Variants in PCDHGB5 observed in about 807,000 individuals in gnomAD.
The protein encoded by PCDHGB5 is protocadherin gamma subfamily B, 5.
In PCDHGB5, 48 loss-of-function variants were observed where a neutral mutation model predicts 62.9. That is an observed-to-expected ratio of 0.76 (90% CI 0.61 to 0.97). The LOEUF is 0.97. Among genes scored for constraint, PCDHGB5 ranks in the 50% least tolerant of loss-of-function variants. PCDHGB5 has a pLI of 0.00. For missense variants in PCDHGB5, 1,118 were observed against 1,198.6 expected, an observed-to-expected ratio of 0.93 and a Z score of 0.99; for synonymous variants, 474 against 511.2, an observed-to-expected ratio of 0.93 and a Z score of 0.98.
At chr5:141,428,823 T>C (rs2097162740) in intron 1 of PCDHGB5, 1 of 152,274 alleles carries the variant, frequency 6.6e-6, no homozygotes, top group Non-Finnish European at 1.5e-5. Context: ...TTAGCTTTCA[T>C]GTATTTTTGA....
At chr5:141,494,183 G>A (rs971032835) in intron 1 of PCDHGB5, among the ~76,000 whole-genome samples, 2 of 152,146 alleles carry the variant, frequency 1.3e-5, no homozygotes, top group Non-Finnish European at 2.9e-5. Context: ...GAAGTGTCCC[G>A]GGACTTGGAT....
At chr5:141,419,991 T>C (rs1192003266) in intron 1 of PCDHGB5, 1 of 1,614,078 alleles carries the variant, frequency 6.2e-7, no homozygotes. Context: ...ATTCTAGCTA[T>C]TGCTCTACGC....
At chr5:141,462,698 G>A (rs2099045237) in intron 1 of PCDHGB5, among the ~76,000 whole-genome samples, 1 of 152,062 alleles carries the variant, frequency 6.6e-6, no homozygotes. Context: ...ATTTATAATG[G>A]AGGTTTTAAA....
intron 1 of PCDHGB5, among the ~76,000 whole-genome samples, chr5:141,458,339 T>A (rs1380637284): frequency 2.0e-5 from 3 of 150,846 alleles, no homozygotes; most frequent in Non-Finnish European, 3.0e-5. Context: ...TTTTAAGGAG[T>A]GGAGAGTTTA....
In PCDHGB5 at chr5:141,485,354, G is replaced by C; in HGVS notation, c.2398-9453G>C. 7 of 1,614,176 alleles carry C rather than the reference G, an allele frequency of 4.3e-6. No homozygotes were observed. Among genetic ancestry groups the C allele is most frequent in the Non-Finnish European group, 5.1e-6 (6 of 1,180,024 alleles). Reference sequence around the variant, plus strand: ...CCTGCTGGATACGGACAGTCTGTCAGCTCGCAGGCTGCAGGTCGCTGGAGA... The same window carrying C: ...CCTGCTGGATACGGACAGTCTGTCACCTCGCAGGCTGCAGGTCGCTGGAGA... On this transcript the variant is annotated intron_variant, in intron 1 of 3. Transcript: ENST00000617380. This position sits in a 1 kb window ranked among gnomAD's most constrained non-coding sequence, Gnocchi z 5.7.
chr5:141,469,410 A>G (rs2099200490), intron 1 of PCDHGB5, among the ~76,000 whole-genome samples: 1 of 152,128 alleles, frequency 6.6e-6, no homozygotes, highest in Non-Finnish European at 1.5e-5. Context: ...CCCCGTTTCT[A>G]CTAAAAATAT....
chr5:141,418,006 C>T, intron 1 of PCDHGB5: 7 of 1,613,896 alleles, frequency 4.3e-6, no homozygotes, highest in Non-Finnish European at 5.9e-6. Flanking sequence ...TGGTGGGGAA[C>T]CTCGCTAAGG....
At position 141,490,475 on chromosome 5, in the gene PCDHGB5, T is replaced by C. The variant is rs769951029; in HGVS notation, c.2398-4332T>C. On this transcript the variant is annotated intron_variant, in intron 1 of 3. Coordinates refer to ENST00000617380, the MANE Select transcript of PCDHGB5 (RefSeq NM_018925.3). This position sits in a 1 kb window ranked among gnomAD's most constrained non-coding sequence, Gnocchi z 5.4. ...TACTCGCTGCTAACCAGCCAGCCTTTGGACCGGGAGGCCACATCCCACTAT... is the reference window on the plus strand; with the variant it reads ...TACTCGCTGCTAACCAGCCAGCCTTCGGACCGGGAGGCCACATCCCACTAT... The C allele has an allele frequency of 3.7e-6, 6 of 1,614,240 alleles. No individual in the cohort carries two copies. The highest frequency in any genetic ancestry group is 5.1e-6 in the Non-Finnish European group (6 of 1,180,038).
At chr5:141,461,273 C>A (rs1301916233) in intron 1 of PCDHGB5, among the ~76,000 whole-genome samples, 1 of 152,128 alleles carries the variant, frequency 6.6e-6, no homozygotes, top group Admixed American at 6.6e-5. Flanking sequence ...TAAGTGTTCT[C>A]TTTTCCCCAC....
At chr5:141,403,344 C>T (rs1307550469) in intron 1 of PCDHGB5, 10 of 1,613,916 alleles carry the variant, frequency 6.2e-6, no homozygotes, top group Non-Finnish European at 8.5e-6. Context: ...GACAGCGCCC[C>T]AAAGTTCCAG....
At chr5:141,439,183 ACT>A (rs1255299140) in intron 1 of PCDHGB5, among the ~76,000 whole-genome samples, 3 of 145,262 alleles carry the variant, frequency 2.1e-5, no homozygotes, top group Non-Finnish European at 3.0e-5. Context: ...ACATAGTGAG[ACT>A]CTGACAAAAA....
At chr5:141,469,885 C>A (rs1464434089) in intron 1 of PCDHGB5, among the ~76,000 whole-genome samples, 3 of 152,204 alleles carry the variant, frequency 2.0e-5, no homozygotes, top group African/African-American at 4.8e-5. Context: ...AATCTCGGCA[C>A]TTTGGGAAGC....
chr5:141,442,052 G>T (rs2098295034), intron 1 of PCDHGB5: 1 of 197,576 alleles, frequency 5.1e-6, no homozygotes, highest in South Asian at 6.6e-5. Flanking sequence ...TACTGGTCGC[G>T]GTGCACTGCG....
chr5:141,462,999 C>T (rs1360054048), intron 1 of PCDHGB5, among the ~76,000 whole-genome samples: 1 of 152,068 alleles, frequency 6.6e-6, no homozygotes, highest in Non-Finnish European at 1.5e-5. Flanking sequence ...TAATTTAGAC[C>T]TACCACTTAA....
At chr5:141,462,235 C>T (rs1389326284) in intron 1 of PCDHGB5, among the ~76,000 whole-genome samples, 1 of 152,206 alleles carries the variant, frequency 6.6e-6, no homozygotes, top group African/African-American at 2.4e-5. Flanking sequence ...GCAGGGATTA[C>T]AGGTATGAGC....
chr5:141,419,869 G>A, intron 1 of PCDHGB5: 3 of 1,614,072 alleles, frequency 1.9e-6, no homozygotes, highest in South Asian at 1.1e-5. Flanking sequence ...GCTTGCAAGA[G>A]GTACTGCCGG....
intron 2 of PCDHGB5, among the ~76,000 whole-genome samples, chr5:141,495,601 G>A (rs1315613802): frequency 3.3e-5 from 5 of 152,004 alleles, no homozygotes; most frequent in South Asian, 2.1e-4. Context: ...CTTAGCTTCC[G>A]TCTTGATTGC....
Position 141,489,263 on chromosome 5 carries a change from A to G in PCDHGB5, c.2398-5544A>G. The G allele has an allele frequency of 6.4e-7, 1 of 1,552,104 alleles. No homozygotes were observed. Among genetic ancestry groups the G allele is most frequent in the South Asian group, 1.3e-5 (1 of 79,626 alleles). On this transcript the variant is annotated intron_variant, in intron 1 of 3. Transcript: ENST00000617380. This position sits in a 1 kb window ranked among gnomAD's most constrained non-coding sequence, Gnocchi z 4.5. ...GTCATGGGGCCCAAGACACTCCCAC[A>G]GCTCGCTGGGAAATGGCAAGTGCTG...
chr5:141,423,325 G>A lies in PCDHGB5; in HGVS notation c.2397+22801G>A, dbSNP rs201044967. ...GCTGTACTTGGTGGTGGCGGTGGCCGCAGTCTCCTGCATCTTCCTGGTCTT... is the reference window on the plus strand; with the variant it reads ...GCTGTACTTGGTGGTGGCGGTGGCCACAGTCTCCTGCATCTTCCTGGTCTT... On this transcript the variant is annotated intron_variant, in intron 1 of 3. Coordinates refer to ENST00000617380, the MANE Select transcript of PCDHGB5 (RefSeq NM_018925.3). 133 of 1,614,016 alleles carry A rather than the reference G, an allele frequency of 8.2e-5. No individual in the cohort carries two copies. Among genetic ancestry groups the A allele is most frequent in the Non-Finnish European group, 4.1e-5 (48 of 1,180,008 alleles).
Sources: gnomAD v4.1 joint callset for allele counts (sites outside exome capture counted in the v4.1 genomes callset) on GRCh38, gnomAD v4.1.1 for gene constraint, Gnocchi (gnomAD v3.1) non-coding constraint, MANE v1.5 for transcripts, NCBI Gene and HGNC (gene_info 2026-07-23, HGNC 2026-07-21) for gene names.